CSMD1: variants seen among roughly 807,000 people sequenced by gnomAD.
CSMD1 encodes CUB and sushi domain-containing protein 1.
Under a neutral mutation model 417.5 loss-of-function variants are expected in CSMD1, and 213 were observed. That is an observed-to-expected ratio of 0.51 (90% CI 0.46 to 0.57). CSMD1 has a LOEUF of 0.57. Among genes scored for constraint, CSMD1 ranks in the 20% least tolerant of loss-of-function variants. The pLI is 0.00. For missense variants in CSMD1, 6,923 were observed against 4,529.7 expected (o/e 1.53, Z -15.17); for synonymous variants, 2,862 against 1,736.8 (o/e 1.65, Z -16.11).
chr8:3,963,275 G>C (rs912535149), intron 5 of CSMD1, among the ~76,000 whole-genome samples: 5 of 152,098 alleles, frequency 3.3e-5, no homozygotes, highest in African/African-American at 1.2e-4. Context: ...CGAGTTTGAG[G>C]AATGCATGAA....
rs935611315 is a variant in CSMD1, at chr8:3,053,152, G to A, written c.7475-505C>T. ...ATCTTAAGTATATTAAAGGTTAAAT[G>A]AGGAACAATGGAAAATGGGTCAGAA... On this transcript the variant is annotated intron_variant, in intron 49 of 69. Coordinates refer to ENST00000635120, the MANE Select transcript of CSMD1 (RefSeq NM_033225.6). Among the ~76,000 whole-genome samples the A allele has an allele frequency of 4.6e-5, 7 of 152,196 alleles. No individual in the cohort carries two copies. In the East Asian group the frequency reaches 1.2e-3, roughly 25 times the overall value.
intron 3 of CSMD1, among the ~76,000 whole-genome samples, chr8:4,335,075 T>A (rs1800091881): frequency 6.6e-6 from 1 of 152,142 alleles, no homozygotes; most frequent in South Asian, 2.1e-4. Flanking sequence ...CTAATTTTTG[T>A]ACTTTGTGTA....
chr8:2,958,155 G>C (rs1803156032), intron 62 of CSMD1, among the ~76,000 whole-genome samples: 2 of 152,106 alleles, frequency 1.3e-5, no homozygotes, highest in Middle Eastern at 3.4e-3. Flanking sequence ...GAAACAACTG[G>C]TATTTATTAG....
At chr8:3,626,187 G>C (rs1220055827) in intron 7 of CSMD1, among the ~76,000 whole-genome samples, 1 of 152,126 alleles carries the variant, frequency 6.6e-6, no homozygotes, top group Non-Finnish European at 1.5e-5. Context: ...GCTGGCTCCC[G>C]CAAATGCAGA....
intron 41 of CSMD1, among the ~76,000 whole-genome samples, chr8:3,122,127 CT>C (rs1817247266): frequency 6.6e-6 from 1 of 152,078 alleles, no homozygotes; most frequent in South Asian, 2.1e-4. Flanking sequence ...TCAGTGCTAT[CT>C]TTTGAGATGT....
At chr8:3,351,394 T>G (rs1327715766) in intron 21 of CSMD1, among the ~76,000 whole-genome samples, 1 of 151,798 alleles carries the variant, frequency 6.6e-6, no homozygotes, top group East Asian at 1.9e-4. Flanking sequence ...GCGGATCACC[T>G]GAGGTCAGGA....
At chr8:3,433,192 T>C (rs1413499271) in intron 12 of CSMD1, among the ~76,000 whole-genome samples, 3 of 152,238 alleles carry the variant, frequency 2.0e-5, no homozygotes, top group South Asian at 2.1e-4. Flanking sequence ...TAAACTTTAT[T>C]AGACAACTTT....
intron 9 of CSMD1, among the ~76,000 whole-genome samples, chr8:3,579,062 A>C (rs540023851): frequency 6.6e-6 from 1 of 152,344 alleles, no homozygotes; most frequent in Non-Finnish European, 1.5e-5. Flanking sequence ...TACTTGGATA[A>C]TAACTACGAC....
intron 18 of CSMD1, among the ~76,000 whole-genome samples, chr8:3,370,598 G>C (rs111818107): frequency 7.9e-5 from 12 of 152,326 alleles, no homozygotes; most frequent in African/African-American, 2.2e-4. Context: ...ATTAGAATTT[G>C]AGTCAGTGGA....
chr8:4,175,958 G>A (rs1240536588), intron 3 of CSMD1, among the ~76,000 whole-genome samples: 5 of 152,108 alleles, frequency 3.3e-5, no homozygotes, highest in East Asian at 1.9e-4. Flanking sequence ...GTGGCATGGG[G>A]CAGCTGGGCT....
chr8:4,175,649 C>T (rs138818042), intron 3 of CSMD1, among the ~76,000 whole-genome samples: 160 of 152,172 alleles, frequency 1.1e-3, no homozygotes, highest in African/African-American at 3.2e-3. Flanking sequence ...AACTTGAAGT[C>T]AGAACTATCT....
In CSMD1 at chr8:4,593,128, G is replaced by T. The variant is rs150620257; in HGVS notation, c.302+44214C>A. On this transcript the variant is annotated intron_variant, in intron 2 of 69. Coordinates refer to ENST00000635120, the MANE Select transcript of CSMD1 (RefSeq NM_033225.6). ...CTTGGTCTCATTCCTTTCTTAGGGT[G>T]AATGGAGGATGCTGAGGTCTCAGCA... is the stretch of plus-strand genomic sequence containing the variant. Among the ~76,000 whole-genome samples the T allele has an allele frequency of 7.9e-5, 12 of 152,298 alleles. No individual in the cohort carries two copies. In the East Asian group the frequency reaches 2.1e-3, roughly 27 times the overall value.
chr8:3,652,746 T>C (rs1797921334), intron 7 of CSMD1, among the ~76,000 whole-genome samples: 1 of 152,136 alleles, frequency 6.6e-6, no homozygotes, highest in Non-Finnish European at 1.5e-5. Context: ...GTGGGGATTA[T>C]TACAGTTCAA....
intron 10 of CSMD1, among the ~76,000 whole-genome samples, chr8:3,542,218 TAATC>T (rs1798469817): frequency 6.6e-6 from 1 of 152,166 alleles, no homozygotes; most frequent in African/African-American, 2.4e-5. Context: ...TACCTCTTAT[TAATC>T]AATGACTATT....
chr8:4,035,555 T>G (rs887028768), intron 3 of CSMD1, among the ~76,000 whole-genome samples: 2 of 152,172 alleles, frequency 1.3e-5, no homozygotes, highest in Non-Finnish European at 2.9e-5. Context: ...GATGACCCCG[T>G]GCAGGCCTAG....
intron 1 of CSMD1, among the ~76,000 whole-genome samples, chr8:4,958,528 C>T (rs760907199): frequency 1.3e-5 from 2 of 152,120 alleles, no homozygotes; most frequent in Non-Finnish European, 2.9e-5. Context: ...CAGAAATATT[C>T]CCACAGTTAA....
intron 49 of CSMD1, among the ~76,000 whole-genome samples, chr8:3,081,602 C>T (rs1256316236): frequency 6.6e-6 from 1 of 152,080 alleles, no homozygotes; most frequent in Non-Finnish European, 1.5e-5. Flanking sequence ...ATCTCAATGA[C>T]CTTCTCTATG....
chr8:3,130,942 G>C (rs867034390), intron 41 of CSMD1, among the ~76,000 whole-genome samples: 3 of 152,166 alleles, frequency 2.0e-5, no homozygotes, highest in South Asian at 2.1e-4. Flanking sequence ...CATTGTACCA[G>C]ATTAGGCTCT....
In CSMD1 at chr8:4,170,706, T is replaced by C. The variant is rs961199601; in HGVS notation, c.416-138607A>G. ...GAACTCTGACAAAAGTAAACTGATA[T>C]AGCTAGCATGTGGATTTTTTTTTTT... On this transcript the variant is annotated intron_variant, in intron 3 of 69. Transcript: ENST00000635120. 5.9e-5 allele frequency among the ~76,000 whole-genome samples: 9 copies of C among 151,796 alleles called. 1 individual carries two copies. The highest frequency in any genetic ancestry group is 1.9e-4 in the African/African-American group (8 of 41,112).
Sources: gnomAD v4.1 joint callset for allele counts (sites outside exome capture counted in the v4.1 genomes callset) on GRCh38, gnomAD v4.1.1 for gene constraint, MANE v1.5 for transcripts, NCBI Gene and HGNC (gene_info 2026-07-23, HGNC 2026-07-21) for gene names.